The following PSD3 variants were observed in gnomAD, a reference collection of about 807,000 sequenced individuals.
PSD3 encodes the protein pleckstrin and Sec7 domain containing 3, also known as PH and SEC7 domain-containing protein 3.
In PSD3, 49 loss-of-function variants were observed where a neutral mutation model predicts 105.5. The ratio of observed to expected loss-of-function variants is 0.46; its 90% CI spans 0.37 to 0.59. PSD3 has a LOEUF of 0.59. PSD3 is among the 20% of genes least tolerant of loss of function. The pLI is 0.00. For missense variants in PSD3, 1,561 were observed against 1,263.8 expected, an observed-to-expected ratio of 1.24 and a Z score of -3.57; for synonymous variants, 557 against 457.8, an observed-to-expected ratio of 1.22 and a Z score of -2.77.
intron 9 of PSD3, among the ~76,000 whole-genome samples, chr8:18,693,055 C>T (rs974547445): frequency 3.3e-5 from 5 of 152,008 alleles, no homozygotes; most frequent in Non-Finnish European, 7.4e-5. Context: ...ATGTGAAGGC[C>T]GGGCTACATA....
intron 9 of PSD3, among the ~76,000 whole-genome samples, chr8:18,720,264 A>G (rs930951563): frequency 8.5e-5 from 13 of 152,366 alleles, no homozygotes; most frequent in African/African-American, 2.6e-4. Context: ...TTAAAGTACC[A>G]GGCACATTCC....
chr8:18,999,829 T>G (rs1382985317), intron 1 of PSD3, among the ~76,000 whole-genome samples: 1 of 151,606 alleles, frequency 6.6e-6, no homozygotes, highest in Non-Finnish European at 1.5e-5. Context: ...AATCATTACT[T>G]AATGATTTTA....
intron 8 of PSD3, among the ~76,000 whole-genome samples, chr8:18,795,779 A>G (rs1810120503): frequency 6.6e-6 from 1 of 152,246 alleles, no homozygotes; most frequent in Non-Finnish European, 1.5e-5. Context: ...CCATCCAGAA[A>G]GGGAGTAAGT....
At chr8:18,650,028 G>A (rs972478454) in intron 10 of PSD3, among the ~76,000 whole-genome samples, 1 of 152,194 alleles carries the variant, frequency 6.6e-6, no homozygotes, top group Non-Finnish European at 1.5e-5. Flanking sequence ...TTGCTTTGTA[G>A]CAGTGCAAGA....
At chr8:18,609,296 C>G (rs1453063462) in intron 11 of PSD3, among the ~76,000 whole-genome samples, 6 of 152,074 alleles carry the variant, frequency 3.9e-5, no homozygotes, top group Non-Finnish European at 1.5e-5. Context: ...TCCTGCCAGG[C>G]CAAGAAACAG....
intron 1 of PSD3, among the ~76,000 whole-genome samples, chr8:18,981,506 G>A (rs1323582054): frequency 6.6e-6 from 1 of 152,154 alleles, no homozygotes; most frequent in Non-Finnish European, 1.5e-5. Flanking sequence ...TTGTTATAAG[G>A]AACAAGTAAG....
chr8:18,678,456 C>T (rs1007574865), intron 9 of PSD3, among the ~76,000 whole-genome samples: 19 of 152,318 alleles, frequency 1.2e-4, no homozygotes, highest in Admixed American at 4.6e-4. Context: ...TCATTCTTTC[C>T]ACCAACTAAC....
intron 4 of PSD3, among the ~76,000 whole-genome samples, chr8:18,816,845 T>A (rs1279270893): frequency 8.0e-6 from 1 of 124,832 alleles, no homozygotes; most frequent in Non-Finnish European, 1.7e-5. Flanking sequence ...TCAAGGAGTT[T>A]ACACTCAGAC....
intron 2 of PSD3, among the ~76,000 whole-genome samples, chr8:18,879,752 G>A (rs922955138): frequency 1.5e-4 from 23 of 152,034 alleles, no homozygotes; most frequent in East Asian, 5.8e-4. Context: ...CATCTCACCC[G>A]GCTAATTTTT....
chr8:18,790,310 T>C (rs966407524), intron 8 of PSD3, among the ~76,000 whole-genome samples: 21 of 149,618 alleles, frequency 1.4e-4, no homozygotes, highest in Non-Finnish European at 2.4e-4. Flanking sequence ...CTTTTCTTTT[T>C]TTTTTTTTTT....
chr8:18,954,666 T>C (rs1210625881), intron 1 of PSD3, among the ~76,000 whole-genome samples: 1 of 152,104 alleles, frequency 6.6e-6, no homozygotes, highest in Middle Eastern at 3.2e-3. Flanking sequence ...GATGTAGTAT[T>C]TGTCTAGCTT....
chr8:18,951,625 T>G (rs928577579), intron 1 of PSD3, among the ~76,000 whole-genome samples: 3 of 152,172 alleles, frequency 2.0e-5, no homozygotes, highest in Admixed American at 2.0e-4. Context: ...GGCTTCAAAT[T>G]TGTGCAATTA....
At chr8:18,782,311 T>C (rs920441447) in intron 8 of PSD3, among the ~76,000 whole-genome samples, 3 of 152,142 alleles carry the variant, frequency 2.0e-5, no homozygotes, top group Admixed American at 1.3e-4. Flanking sequence ...ACTCTATGGA[T>C]TGGGTTTCGA....
chr8:18,909,214 A>T (rs142818282), intron 2 of PSD3, among the ~76,000 whole-genome samples: 186 of 152,350 alleles, frequency 1.2e-3, no homozygotes, highest in African/African-American at 4.0e-3. Flanking sequence ...TAAAACCAAC[A>T]AACATATTTC....
chr8:18,871,230 G>C (rs1019152782), intron 3 of PSD3, among the ~76,000 whole-genome samples: 3 of 152,208 alleles, frequency 2.0e-5, no homozygotes, highest in Non-Finnish European at 4.4e-5. Flanking sequence ...GGAAGTACCA[G>C]CTATATAGGG....
chr8:18,959,486 A>C (rs1457466136), intron 1 of PSD3, among the ~76,000 whole-genome samples: 6 of 152,076 alleles, frequency 3.9e-5, no homozygotes, highest in Admixed American at 3.9e-4. Context: ...AGCTCTGCAC[A>C]TCTGACTCCA....
chr8:18,753,775 C>A (rs911949218), intron 9 of PSD3, among the ~76,000 whole-genome samples: 2 of 152,058 alleles, frequency 1.3e-5, no homozygotes, highest in Non-Finnish European at 2.9e-5. Flanking sequence ...TTTCACACTC[C>A]CTGTCTCCTT....
At chr8:18,593,165 C>A (rs1399326864) in intron 12 of PSD3, among the ~76,000 whole-genome samples, 1 of 152,056 alleles carries the variant, frequency 6.6e-6, no homozygotes, top group Non-Finnish European at 1.5e-5. Context: ...GCAAAAGAAA[C>A]TACCATCAGA....
chr8:18,636,024 G>A (rs1382542977), intron 10 of PSD3, among the ~76,000 whole-genome samples: 1 of 151,996 alleles, frequency 6.6e-6, no homozygotes, highest in African/African-American at 2.4e-5. Context: ...AAACCTGCAG[G>A]TTCTGCACAT....
Sources: gnomAD v4.1 joint callset for allele counts (sites outside exome capture counted in the v4.1 genomes callset) on GRCh38, gnomAD v4.1.1 for gene constraint, MANE v1.5 for transcripts, NCBI Gene and HGNC (gene_info 2026-07-23, HGNC 2026-07-21) for gene names.